Variants in HERC2 observed in about 807,000 individuals in gnomAD.
HERC2 encodes E3 ubiquitin-protein ligase HERC2.
Under a neutral mutation model 537.7 loss-of-function variants are expected in HERC2, and 102 were observed. That is an observed-to-expected ratio of 0.19 (90% CI 0.16 to 0.22). HERC2 has a LOEUF of 0.22. Among genes scored for constraint, HERC2 ranks in the 10% least tolerant of loss-of-function variants. The pLI is 1.00. For synonymous variants in HERC2, 2,224 were observed against 2,466.2 expected, an observed-to-expected ratio of 0.90 and a Z score of 2.91; for missense variants, 4,236 against 6,198.2, an observed-to-expected ratio of 0.68 and a Z score of 10.63.
chr15:28,311,076 C>CAAAAAAA (rs71132854), intron 2 of HERC2, among the ~76,000 whole-genome samples: 1 of 29,292 alleles, frequency 3.4e-5, no homozygotes, highest in East Asian at 7.8e-4. Flanking sequence ...GACTGCATCT[C>CAAAAAAA]AAAAAAAAAA....
At chr15:28,158,105 T>C (rs1047710700) in intron 69 of HERC2, among the ~76,000 whole-genome samples, 5 of 152,218 alleles carry the variant, frequency 3.3e-5, no homozygotes, top group Non-Finnish European at 5.9e-5. Context: ...GAGAGACAGT[T>C]TGTTATAATT....
chr15:28,179,114 A>T, intron 58 of HERC2, 28 bp downstream of exon 58: 2 of 1,600,872 alleles, frequency 1.2e-6, no homozygotes, highest in Non-Finnish European at 1.7e-6. Context: ...CATAATTTAA[A>T]AATTTTTTAA....
intron 88 of HERC2, 145 bp downstream of exon 88, chr15:28,116,520 A>C: frequency 1.1e-6 from 1 of 909,646 alleles, no homozygotes; most frequent in Non-Finnish European, 1.6e-6. Flanking sequence ...CCTCACCCTA[A>C]AAGTCATTTT....
chr15:28,307,346 T>C (rs2076817406), intron 2 of HERC2, among the ~76,000 whole-genome samples: 2 of 152,262 alleles, frequency 1.3e-5, no homozygotes, highest in Non-Finnish European at 2.9e-5. Flanking sequence ...TTTTGTATTA[T>C]TTTCTTCATT....
intron 48 of HERC2, among the ~76,000 whole-genome samples, chr15:28,201,072 C>T (rs1223264060): frequency 4.0e-5 from 6 of 149,010 alleles, no homozygotes; most frequent in Non-Finnish European, 8.9e-5. Context: ...TTGTGCTCTC[C>T]GGCTGCCCCT....
At chr15:28,291,406 T>C (rs1455003990) in intron 4 of HERC2, among the ~76,000 whole-genome samples, 1 of 152,104 alleles carries the variant, frequency 6.6e-6, no homozygotes. Flanking sequence ...ATTATTTTTA[T>C]ATATGTACAT....
At chr15:28,174,868 A>G (rs182619621) in intron 64 of HERC2, among the ~76,000 whole-genome samples, 86 of 152,208 alleles carry the variant, frequency 5.7e-4, no homozygotes, top group African/African-American at 2.0e-3. Flanking sequence ...TATTAATCCA[A>G]TTCTGCTTTG....
Position 28,318,433 on chromosome 15 carries a change from C to T in HERC2, c.72+2929G>A, listed in dbSNP as rs181822662. On this transcript the variant is annotated intron_variant, in intron 2 of 92. Coordinates refer to ENST00000261609, the MANE Select transcript of HERC2 (RefSeq NM_004667.6). ...CTTGAGGTCAGGAGTTCAAAACCAA[C>T]CTGGCCCACATGGTGGAGCCCTGTC... Among the ~76,000 whole-genome samples the T allele has an allele frequency of 2.2e-3, 336 of 152,180 alleles. 2 individuals are homozygous for T. The highest frequency in any genetic ancestry group is 7.9e-3 in the African/African-American group (326 of 41,492).
chr15:28,156,119 T>C (rs1351694507), intron 69 of HERC2, among the ~76,000 whole-genome samples: 1 of 152,226 alleles, frequency 6.6e-6, no homozygotes, highest in African/African-American at 2.4e-5. Flanking sequence ...TCCATTGGTC[T>C]ATATCTCTGT....
intron 2 of HERC2, among the ~76,000 whole-genome samples, chr15:28,316,769 T>TA (rs1178554133): frequency 6.6e-6 from 1 of 152,222 alleles, no homozygotes. Context: ...ATACTTTTTT[T>TA]ATCTACTGAT....
At chr15:28,169,775 A>G in intron 65 of HERC2, 120 bp from the exon 66 acceptor site, 1 of 888,866 alleles carries the variant, frequency 1.1e-6, no homozygotes, top group Non-Finnish European at 1.7e-6. Flanking sequence ...GCTATTTCAC[A>G]AAGCACCTAT....
At position 28,213,834 on chromosome 15, in the gene HERC2, T is replaced by C. The variant is rs768011315; in HGVS notation, c.6694A>G (p.Thr2232Ala). The C allele has an allele frequency of 5.6e-6, 9 of 1,613,888 alleles. No homozygotes were observed. Among genetic ancestry groups the C allele is most frequent in the Non-Finnish European group, 7.6e-6 (9 of 1,179,898 alleles). ...CCCTTTGGGGTGATGCGAGTCACAG[T>C]GCCTTCTCCAAACTCATCGTGCATA... ...QVMHDEFGEG[T>A]VTRITPKGKI... The change falls in exon 42 of 93, where the codon ACT becomes GCT. Residue 2232 changes from threonine to alanine, a missense_variant. Physicochemically the swap from Thr to Ala is moderately conservative, Grantham distance 58. This residue lies in a region of HERC2 where 365 missense variants were observed against 468.8 expected (regional missense o/e 0.78). Transcript: ENST00000261609.
chr15:28,113,106 T>C lies in HERC2; in HGVS notation c.14197A>G (p.Ile4733Val). 1 of 1,613,716 alleles carries C rather than the reference T, an allele frequency of 6.2e-7. No individual in the cohort carries two copies. The highest frequency in any genetic ancestry group is 8.5e-7 in the Non-Finnish European group (1 of 1,179,976). Residue 4733 changes from isoleucine to valine, a missense_variant, in exon 92 of 93, where the codon ATC becomes GTC. Physicochemically the swap from Ile to Val is conservative, Grantham distance 29 (BLOSUM62 3). Around this residue, in one of 27 missense-constraint regions of HERC2, gnomAD observed 313 missense variants for 462.6 expected, o/e 0.68. Coordinates refer to ENST00000261609, the MANE Select transcript of HERC2 (RefSeq NM_004667.6). The surrounding 1 kb of genome is among the most constrained non-coding windows in gnomAD (Gnocchi z 7.0). ...VWGRTRLPRT[I>V]ADFRGRDFVI... ...AAGTCTCGGCCCCGGAAGTCGGCGATGGTCCTGGGCAGCCTCGTCCGGCCC... is the reference window on the plus strand; with the variant it reads ...AAGTCTCGGCCCCGGAAGTCGGCGACGGTCCTGGGCAGCCTCGTCCGGCCC...
At position 28,274,378 on chromosome 15, in the gene HERC2, G is replaced by C; in HGVS notation, c.713C>G (p.Ala238Gly). Reference protein sequence around the residue: ...SLDALRALPEASLFDESTVSS... With the variant: ...SLDALRALPEGSLFDESTVSS... ...CACGGTGCTCTCGTCAAAGAGCGAG[G>C]CCTCGGGAAGTGCTCGCAGGGCGTC... Residue 238 changes from alanine to glycine, a missense_variant, in exon 7 of 93, where the codon GCC becomes GGC. Around this residue, in one of 27 missense-constraint regions of HERC2, gnomAD observed 491 missense variants for 559.3 expected, o/e 0.88. Coordinates refer to ENST00000261609, the MANE Select transcript of HERC2 (RefSeq NM_004667.6). The C allele has an allele frequency of 3.1e-6, 5 of 1,614,140 alleles. No homozygotes were observed. Among genetic ancestry groups the C allele is most frequent in the East Asian group, 2.2e-5 (1 of 44,872 alleles).
Position 28,182,421 on chromosome 15 carries a change from C to T in HERC2, c.8917G>A (p.Gly2973Ser), listed in dbSNP as rs1895910635. Residue 2973 changes from glycine (G) to serine (S), a missense_variant, in exon 57 of 93, where the codon GGC becomes AGC. By Grantham distance (56) the Gly-to-Ser change is moderately conservative. Transcript: ENST00000261609. Reference sequence around the variant, plus strand: ...CGTACCTTGGAGCCTTTCAGCCCGCCCAGCTGGTCCTTGTCATTCAGGCCC... The same window carrying T: ...CGTACCTTGGAGCCTTTCAGCCCGCTCAGCTGGTCCTTGTCATTCAGGCCC... Reference protein sequence around the residue: ...VWGLNDKDQLGGLKGSKIKVP... With the variant: ...VWGLNDKDQLSGLKGSKIKVP... 1 of 1,613,698 alleles carries T rather than the reference C, an allele frequency of 6.2e-7. No homozygotes were observed. Among genetic ancestry groups the T allele is most frequent in the Non-Finnish European group, 8.5e-7 (1 of 1,179,904 alleles).
rs148331498 is a variant in HERC2, at chr15:28,292,437, T to C, written c.322+451A>G. 9.5e-3 allele frequency among the ~76,000 whole-genome samples: 1,444 copies of C among 152,216 alleles called. 12 individuals are homozygous for C. The highest frequency in any genetic ancestry group is 0.031 in the Middle Eastern group (9 of 294). On this transcript the variant is annotated intron_variant, in intron 4 of 92. Coordinates refer to ENST00000261609, the MANE Select transcript of HERC2 (RefSeq NM_004667.6). ...AAAACAAAAAGTGTTGGTGAGGGTG[T>C]GGAGAAATGGGAACCTTAGTATACC...
chr15:28,143,191 G>A (rs536327152), intron 74 of HERC2, among the ~76,000 whole-genome samples: 10 of 152,132 alleles, frequency 6.6e-5, no homozygotes, highest in African/African-American at 1.9e-4. Context: ...CAGTACATCC[G>A]CTTCCAGAGA....
At chr15:28,186,435 G>T in intron 56 of HERC2, 142 bp downstream of exon 56, 44 of 568,442 alleles carry the variant, frequency 7.7e-5, no homozygotes, top group South Asian at 4.1e-4. Context: ...ACAATTTTTG[G>T]AAACAACTGT....
Position 28,113,071 on chromosome 15 carries a change from C to T in HERC2, c.14232G>A (p.Gln4744=), listed in dbSNP as rs748557543. 1.2e-5 allele frequency: 19 copies of T among 1,612,728 alleles called. No homozygotes were observed. The highest frequency in any genetic ancestry group is 1.6e-5 in the Non-Finnish European group (19 of 1,179,752). ...CCGGCAAGCCCAGCCAGGAGCCTAC[C>T]TGGATGACGAAGTCTCGGCCCCGGA... is the stretch of plus-strand genomic sequence containing the variant. The part of the protein sequence containing the change: ...ADFRGRDFVI[Q]VLDKYNPPDH... The change falls in exon 92 of 93, where the codon CAG becomes CAA. Residue 4744 remains glutamine, a splice_region_variant and synonymous_variant. Transcript: ENST00000261609. The surrounding 1 kb of genome is among the most constrained non-coding windows in gnomAD (Gnocchi z 7.0).
Sources: allele counts gnomAD v4.1 joint callset (sites outside exome capture counted in the v4.1 genomes callset), GRCh38; gene constraint gnomAD v4.1.1; regional missense constraint gnomAD v4.1.1; non-coding constraint Gnocchi (gnomAD v3.1); transcripts MANE v1.5; gene names NCBI Gene and HGNC (gene_info 2026-07-23, HGNC 2026-07-21).